The following EPHA7 variants were observed in gnomAD, a reference collection of about 807,000 sequenced individuals.
EPHA7 encodes EPH receptor A7.
EPHA7 carries 25 observed loss-of-function variants against 112.6 expected under a neutral mutation model. That is an observed-to-expected ratio of 0.22 (90% CI 0.16 to 0.31). The LOEUF is 0.31. Among genes scored for constraint, EPHA7 ranks in the 10% least tolerant of loss-of-function variants. The pLI, the probability that EPHA7 is intolerant of heterozygous loss-of-function variation, is 1.00. For missense variants in EPHA7, 962 were observed against 1,212.6 expected, an observed-to-expected ratio of 0.79 and a Z score of 3.07; for synonymous variants, 437 against 406.5, an observed-to-expected ratio of 1.07 and a Z score of -0.90.
At chr6:93,330,791 A>C in intron 5 of EPHA7, among the ~76,000 whole-genome samples, 1 of 151,352 alleles carries the variant, frequency 6.6e-6, no homozygotes, top group East Asian at 1.9e-4. Context: ...CCTTTCTGAA[A>C]GTTATTTATC....
intron 5 of EPHA7, among the ~76,000 whole-genome samples, chr6:93,332,811 A>G (rs762419789): frequency 1.8e-4 from 28 of 151,758 alleles, no homozygotes; most frequent in Non-Finnish European, 3.5e-4. Context: ...ATTTAAACAT[A>G]AGAAATGCTG....
At chr6:93,342,594 A>T (rs1775196620) in intron 5 of EPHA7, among the ~76,000 whole-genome samples, 1 of 151,750 alleles carries the variant, frequency 6.6e-6, no homozygotes, top group South Asian at 2.1e-4. Flanking sequence ...AGTATTTTAC[A>T]TTGTCATTAT....
intron 3 of EPHA7, among the ~76,000 whole-genome samples, chr6:93,362,297 A>G (rs1193802553): frequency 6.6e-6 from 1 of 152,056 alleles, no homozygotes; most frequent in Non-Finnish European, 1.5e-5. Context: ...CAATATATCT[A>G]CTAAATTATA....
intron 5 of EPHA7, among the ~76,000 whole-genome samples, chr6:93,347,830 A>G (rs1775477989): frequency 1.3e-5 from 2 of 151,822 alleles, no homozygotes; most frequent in South Asian, 4.1e-4. Context: ...AGGAATTTTG[A>G]GGGGACACAA....
chr6:93,276,397 A>G (rs183008859), intron 5 of EPHA7, among the ~76,000 whole-genome samples: 1 of 152,028 alleles, frequency 6.6e-6, no homozygotes, highest in Non-Finnish European at 1.5e-5. Context: ...GTCCTATCAG[A>G]GCAAAGAATT....
intron 10 of EPHA7, 128 bp from the exon 11 acceptor site, chr6:93,258,412 C>A: frequency 2.0e-6 from 2 of 1,011,618 alleles, no homozygotes; most frequent in Non-Finnish European, 1.4e-6. Flanking sequence ...AAAATATTTT[C>A]AAAAATACTT....
intron 5 of EPHA7, among the ~76,000 whole-genome samples, chr6:93,324,631 A>G (rs1401137492): frequency 1.3e-5 from 2 of 151,480 alleles, no homozygotes; most frequent in Non-Finnish European, 3.0e-5. Context: ...CTCTAAAAAA[A>G]TATGCGTGTA....
chr6:93,255,744 T>C, intron 13 of EPHA7, 84 bp downstream of exon 13: 1 of 1,239,126 alleles, frequency 8.1e-7, no homozygotes, highest in Non-Finnish European at 1.2e-6. Flanking sequence ...ATTTCTCCTG[T>C]TTAGTTTTAC....
chr6:93,401,611 CTT>C (rs1340397430), intron 3 of EPHA7, among the ~76,000 whole-genome samples: 5 of 151,978 alleles, frequency 3.3e-5, no homozygotes, highest in African/African-American at 1.2e-4. Flanking sequence ...AAAATAAAAA[CTT>C]ATATGTGCAT....
chr6:93,280,723 ATACT>A (rs1321161208), intron 5 of EPHA7, among the ~76,000 whole-genome samples: 1 of 152,196 alleles, frequency 6.6e-6, no homozygotes, highest in Admixed American at 6.5e-5. Context: ...GATAATCAGA[ATACT>A]TACATCATAA....
At chr6:93,271,296 G>T (rs1771205948) in intron 6 of EPHA7, among the ~76,000 whole-genome samples, 1 of 151,382 alleles carries the variant, frequency 6.6e-6, no homozygotes, top group Non-Finnish European at 1.5e-5. Context: ...AAAAACAAAG[G>T]TATCTATTGC....
chr6:93,246,717 T>C, intron 15 of EPHA7, 75 bp downstream of exon 15: 1 of 1,242,322 alleles, frequency 8.0e-7, no homozygotes, highest in Non-Finnish European at 1.1e-6. Context: ...GCCATTGTGG[T>C]GGGGTGGAGG....
chr6:93,329,187 A>G (rs1774465203), intron 5 of EPHA7, among the ~76,000 whole-genome samples: 1 of 151,342 alleles, frequency 6.6e-6, no homozygotes, highest in African/African-American at 2.4e-5. Flanking sequence ...CTTTCTTCAG[A>G]TCTGCATTGT....
chr6:93,365,193 A>G (rs73532353), intron 3 of EPHA7, among the ~76,000 whole-genome samples: 1,645 of 152,306 alleles, frequency 0.011, 23 homozygotes, highest in African/African-American at 0.037. Flanking sequence ...TGTGTAAAAT[A>G]TAAGGCTTTG....
chr6:93,263,778 G>A, intron 9 of EPHA7, 82 bp downstream of exon 9: 1 of 1,071,178 alleles, frequency 9.3e-7, no homozygotes, highest in Non-Finnish European at 1.4e-6. Context: ...TGATGCATGA[G>A]GACTTTGTTA....
At chr6:93,262,078 A>G (rs549700072) in intron 9 of EPHA7, among the ~76,000 whole-genome samples, 2 of 151,534 alleles carry the variant, frequency 1.3e-5, no homozygotes, top group Non-Finnish European at 3.0e-5. Flanking sequence ...TTGTTCACAT[A>G]TGGGCAGGAC....
At chr6:93,276,959 G>A (rs920184020) in intron 5 of EPHA7, among the ~76,000 whole-genome samples, 1 of 151,900 alleles carries the variant, frequency 6.6e-6, no homozygotes, top group East Asian at 1.9e-4. Flanking sequence ...GGGTCAACAA[G>A]CATAAAATGA....
Position 93,269,484 on chromosome 6 carries a change from C to A in EPHA7, c.1626G>T (p.Met542Ile). 2 of 1,610,166 alleles carry A rather than the reference C, an allele frequency of 1.2e-6. No homozygotes were observed. The highest frequency in any genetic ancestry group is 1.7e-6 in the Non-Finnish European group (2 of 1,177,646). The change falls in exon 7 of 17, where the codon ATG (methionine) becomes ATT (isoleucine). Residue 542 changes from methionine to isoleucine, a missense_variant. This residue lies in a region of EPHA7 where 746 missense variants were observed against 889.2 expected (regional missense o/e 0.84). Transcript: ENST00000369303. ...VATLEEATGK[M>I]FEATAVSSEQ... Reference sequence around the variant, plus strand: ...AACCAAAGGCATAATTACCTTCAAACATTTTACCTGTAGCTTCCTCTAGTG... The same window carrying A: ...AACCAAAGGCATAATTACCTTCAAAAATTTTACCTGTAGCTTCCTCTAGTG...
chr6:93,349,325 C>A (rs1191140282), intron 5 of EPHA7, among the ~76,000 whole-genome samples: 1 of 151,754 alleles, frequency 6.6e-6, no homozygotes, highest in African/African-American at 2.4e-5. Flanking sequence ...CTTGTTTAAG[C>A]AAAGCATATG....
Sources: allele counts gnomAD v4.1 joint callset (sites outside exome capture counted in the v4.1 genomes callset), GRCh38; gene constraint gnomAD v4.1.1; regional missense constraint gnomAD v4.1.1; transcripts MANE v1.5; gene names NCBI Gene and HGNC (gene_info 2026-07-23, HGNC 2026-07-21).